UNC93A: variants seen among roughly 807,000 people sequenced by gnomAD.
The protein encoded by UNC93A is N-acetylglucosamine transporter UNC93A.
In UNC93A, 43 loss-of-function variants were observed where a neutral mutation model predicts 47.5. That is an observed-to-expected ratio of 0.91 (90% CI 0.71 to 1.17). UNC93A has a LOEUF of 1.17. Among genes scored for constraint, UNC93A ranks in the 50% most tolerant of loss-of-function variants. The pLI, the probability that UNC93A is intolerant of heterozygous loss-of-function variation, is 0.00. For synonymous variants in UNC93A, 280 were observed against 258.0 expected, an observed-to-expected ratio of 1.09 and a Z score of -0.82; for missense variants, 605 against 577.6, an observed-to-expected ratio of 1.05 and a Z score of -0.49.
At chr6:167,269,905 G>A (rs1222454810), upstream of UNC93A, among the ~76,000 whole-genome samples, 1 of 152,082 alleles carries the variant, frequency 6.6e-6, no homozygotes, top group Non-Finnish European at 1.5e-5. Flanking sequence ...GTGAGCCACT[G>A]GGCCCGGCCA....
At chr6:167,302,330 A>G (rs1281140884) in intron 4 of UNC93A, among the ~76,000 whole-genome samples, 1 of 152,120 alleles carries the variant, frequency 6.6e-6, no homozygotes, top group Non-Finnish European at 1.5e-5. Context: ...CAGGCACAGT[A>G]AGATAGGATA....
chr6:167,285,913 A>G (rs1783719306), intron 1 of UNC93A, among the ~76,000 whole-genome samples: 1 of 150,000 alleles, frequency 6.7e-6, no homozygotes. Flanking sequence ...CACCAATTCT[A>G]TGTCCAGTGA....
At chr6:167,303,832 G>A (rs1338165942) in intron 4 of UNC93A, 87 bp from the exon 5 acceptor site, 6 of 1,320,646 alleles carry the variant, frequency 4.5e-6, no homozygotes, top group Non-Finnish European at 6.5e-6. Context: ...CCTCGCGAGA[G>A]GAGGATGAGT....
At chr6:167,302,701 C>T (rs1778276354) in intron 4 of UNC93A, among the ~76,000 whole-genome samples, 1 of 152,130 alleles carries the variant, frequency 6.6e-6, no homozygotes, top group South Asian at 2.1e-4. Flanking sequence ...GATGTTTCCT[C>T]ATGGATGAAA....
At chr6:167,280,265 G>T (rs905047467) in intron 1 of UNC93A, among the ~76,000 whole-genome samples, 4 of 152,154 alleles carry the variant, frequency 2.6e-5, no homozygotes, top group Non-Finnish European at 4.4e-5. Context: ...AGCTCAGATG[G>T]TGCCTTCAAA....
chr6:167,276,616 A>T lies in UNC93A; in HGVS notation c.-52+5158A>T, dbSNP rs1200353607. Among the ~76,000 whole-genome samples the T allele has an allele frequency of 3.9e-5, 6 of 152,122 alleles. 1 individual carries two copies. In the East Asian group the frequency reaches 1.2e-3, roughly 29 times the overall value. ...AGCCTACTCCTGCCACATCCAGGAG[A>T]CTTCAGAGTCCCGGGATCCCAGCTG... On this transcript the variant is annotated intron_variant, in intron 1 of 3. Transcript: ENST00000503433.
chr6:167,302,726 A>G (rs1177564177), intron 4 of UNC93A, among the ~76,000 whole-genome samples: 1 of 152,134 alleles, frequency 6.6e-6, no homozygotes, highest in African/African-American at 2.4e-5. Context: ...TAGTTAAAAT[A>G]TTTTTTTGTA....
At chr6:167,299,468 G>A (rs1217608526) in intron 4 of UNC93A, among the ~76,000 whole-genome samples, 3 of 152,162 alleles carry the variant, frequency 2.0e-5, no homozygotes, top group African/African-American at 7.2e-5. Flanking sequence ...TAAAGCTATC[G>A]CTGGAAGTCG....
In UNC93A at chr6:167,274,337, G is replaced by T. The variant is rs1469682003; in HGVS notation, c.-52+2879G>T. Among the ~76,000 whole-genome samples, 3 of 152,170 alleles carry T rather than the reference G, an allele frequency of 2.0e-5. No homozygotes were observed. The East Asian group carries it at 5.8e-4, about 29-fold the overall frequency. ...TCCTTCCATCTGGTGGTACATTCAG[G>T]CTAATGGAAAAATCCTACGTATTCC... On this transcript the variant is annotated intron_variant, in intron 1 of 3. Transcript: ENST00000503433.
At chr6:167,298,800 A>G (rs1057259897) in intron 4 of UNC93A, among the ~76,000 whole-genome samples, 1 of 152,094 alleles carries the variant, frequency 6.6e-6, no homozygotes, top group African/African-American at 2.4e-5. Flanking sequence ...TTTAAAAACC[A>G]TTTTGTAAAT....
chr6:167,300,730 A>G (rs1445600620), intron 4 of UNC93A, among the ~76,000 whole-genome samples: 1 of 152,022 alleles, frequency 6.6e-6, no homozygotes, highest in Non-Finnish European at 1.5e-5. Context: ...GTGCTTCCCC[A>G]ACACTTCCCC....
At chr6:167,279,678 T>C (rs1221887033) in intron 1 of UNC93A, among the ~76,000 whole-genome samples, 1 of 152,140 alleles carries the variant, frequency 6.6e-6, no homozygotes, top group East Asian at 1.9e-4. Context: ...TAACCATAGA[T>C]GAAGTGTGTA....
At chr6:167,314,742 C>A (rs544556887) in intron 7 of UNC93A, among the ~76,000 whole-genome samples, 1 of 152,200 alleles carries the variant, frequency 6.6e-6, no homozygotes, top group South Asian at 2.1e-4. Flanking sequence ...CTTATCTACC[C>A]GTGACCCGGA....
upstream of UNC93A, among the ~76,000 whole-genome samples, chr6:167,288,487 CAGCAT>C (rs914631910): frequency 2.1e-5 from 3 of 144,004 alleles, no homozygotes; most frequent in African/African-American, 7.8e-5. Flanking sequence ...CACACACACA[CAGCAT>C]GAGTACATTT....
upstream of UNC93A, among the ~76,000 whole-genome samples, chr6:167,287,052 A>G (rs566272053): frequency 1.1e-4 from 16 of 151,490 alleles, no homozygotes; most frequent in South Asian, 2.1e-4. Flanking sequence ...CTTAGAAGAC[A>G]TGTAAGTGGT....
At chr6:167,272,028 G>A (rs2115065467) in intron 1 of UNC93A, among the ~76,000 whole-genome samples, 1 of 152,330 alleles carries the variant, frequency 6.6e-6, no homozygotes, top group Non-Finnish European at 1.5e-5. Context: ...GTCCTTCCTG[G>A]TAGAGACAGG....
In UNC93A at chr6:167,315,699, A is replaced by G. The variant is rs1778674624; in HGVS notation, c.*247A>G. 2.3e-6 allele frequency: 1 copy of G among 436,454 alleles called. No individual in the cohort carries two copies. The highest frequency in any genetic ancestry group is 4.1e-5 in the Admixed American group (1 of 24,188). The allele number at this position is 436,454 out of a possible 1,614,324, so 27.0% of individuals were successfully genotyped here. A position where few individuals can be genotyped will look rare whatever the true frequency, so the allele number is the denominator to read the frequency against. ...TTCATTTAATTTTAGATGCAAAAGAAAAAGGTCTAACGTACAATCAGCCAA... is the reference window on the plus strand; with the variant it reads ...TTCATTTAATTTTAGATGCAAAAGAGAAAGGTCTAACGTACAATCAGCCAA... On this transcript the variant is annotated 3_prime_UTR_variant, in exon 8 of 8. Coordinates refer to ENST00000230256, the MANE Select transcript of UNC93A (RefSeq NM_018974.4).
At chr6:167,269,334 G>A (rs775663904), upstream of UNC93A, among the ~76,000 whole-genome samples, 11 of 152,236 alleles carry the variant, frequency 7.2e-5, no homozygotes, top group Non-Finnish European at 1.5e-4. Context: ...GTTTTGTGTA[G>A]TGCCTCACTG....
chr6:167,293,053 C>A (rs780090426), intron 1 of UNC93A, among the ~76,000 whole-genome samples: 1 of 152,162 alleles, frequency 6.6e-6, no homozygotes, highest in Non-Finnish European at 1.5e-5. Context: ...GCCAGGGGTC[C>A]CTCCTCTCAG....
Sources: allele counts gnomAD v4.1 joint callset (sites outside exome capture counted in the v4.1 genomes callset), GRCh38; gene constraint gnomAD v4.1.1; transcripts MANE v1.5; gene names NCBI Gene and HGNC (gene_info 2026-07-23, HGNC 2026-07-21).